CCR3: variants seen among roughly 807,000 people sequenced by gnomAD.
CCR3 encodes C-C motif chemokine receptor 3.
For missense variants in CCR3, 419 were observed against 437.5 expected (o/e 0.96, Z 0.38); for synonymous variants, 203 against 179.2 (o/e 1.13, Z -1.06).
At chr3:46,223,314 T>C (rs1438484090) in intron 2 of CCR3, among the ~76,000 whole-genome samples, 1 of 152,214 alleles carries the variant, frequency 6.6e-6, no homozygotes, top group East Asian at 1.9e-4. Context: ...CACTCCAGCC[T>C]GGGTGACAGA....
chr3:46,245,718 C>T (rs1307442857), intron 1 of CCR3, among the ~76,000 whole-genome samples: 1 of 150,424 alleles, frequency 6.6e-6, no homozygotes, highest in Non-Finnish European at 1.5e-5. Flanking sequence ...CTCCCACTCT[C>T]AAGTAGACCC....
intron 2 of CCR3, among the ~76,000 whole-genome samples, chr3:46,219,689 A>G (rs1699813152): frequency 6.6e-6 from 1 of 152,188 alleles, no homozygotes; most frequent in Admixed American, 6.5e-5. Flanking sequence ...AAAGCCAAAT[A>G]CTTACAACCA....
At chr3:46,264,351 C>A (rs1559540063) in intron 1 of CCR3, 1 of 1,125,966 alleles carries the variant, frequency 8.9e-7, no homozygotes, top group Non-Finnish European at 1.3e-6. Context: ...TGTGATTGTA[C>A]ATGTGTAACA....
intron 2 of CCR3, among the ~76,000 whole-genome samples, chr3:46,217,509 T>A (rs1699788528): frequency 6.6e-6 from 1 of 152,172 alleles, no homozygotes. Context: ...CTGCAGAATA[T>A]ACATTCTTTT....
chr3:46,212,478 C>G (rs1485877054), intron 2 of CCR3, among the ~76,000 whole-genome samples: 1 of 140,372 alleles, frequency 7.1e-6, no homozygotes, highest in East Asian at 2.4e-4. Flanking sequence ...CCCCTCTTGG[C>G]CCCCCTACCA....
intron 2 of CCR3, among the ~76,000 whole-genome samples, chr3:46,223,295 G>A (rs373657409): frequency 6.6e-6 from 1 of 152,190 alleles, no homozygotes; most frequent in Non-Finnish European, 1.5e-5. Context: ...AGCCGAGATC[G>A]TGCCACTGCA....
At position 46,264,553 on chromosome 3, in the gene CCR3, CA is replaced by C. The variant is rs1430636044; in HGVS notation, c.-11-592del. 5.7e-6 allele frequency: 4 copies of C among 702,140 alleles called. No individual in the cohort carries two copies. In the Admixed American group the frequency reaches 1.3e-4, roughly 23 times the overall value. The allele number at this position is 702,140 out of a possible 1,614,324, so 43.5% of individuals were successfully genotyped here. A position where few individuals can be genotyped will look rare whatever the true frequency, so the allele number is the denominator to read the frequency against. The stretch of plus-strand genomic sequence containing the variant: ...ATGGATAGAGACTAAAGATCTAGCC[CA>C]AATTTTATATTTACTTGTTAGAGGA... On this transcript the variant is annotated intron_variant, in intron 1 of 1. Transcript: ENST00000395940.
chr3:46,255,784 T>C (rs1292049808), intron 1 of CCR3, among the ~76,000 whole-genome samples: 1 of 152,180 alleles, frequency 6.6e-6, no homozygotes, highest in African/African-American at 2.4e-5. Context: ...TACCATTCTG[T>C]TTGGGTGACT....
chr3:46,238,520 C>G (rs547224704), upstream of CCR3, among the ~76,000 whole-genome samples: 3 of 152,156 alleles, frequency 2.0e-5, no homozygotes, highest in Non-Finnish European at 4.4e-5. Context: ...TAGGTATGTC[C>G]ACCACAAGGG....
chr3:46,210,701 C>T (rs915664510), exon 2 of CCR3: 4 of 152,320 alleles, frequency 2.6e-5, no homozygotes, highest in African/African-American at 7.2e-5. Context: ...AGCTCATGGA[C>T]CCTGGCCGTC....
intron 1 of CCR3, among the ~76,000 whole-genome samples, chr3:46,247,136 A>G (rs1700212557): frequency 6.6e-6 from 1 of 152,214 alleles, no homozygotes; most frequent in Non-Finnish European, 1.5e-5. Flanking sequence ...ATTTACTTCA[A>G]GAGTTAAGAG....
chr3:46,264,129 C>G, intron 1 of CCR3: 1 of 389,988 alleles, frequency 2.6e-6, no homozygotes, highest in South Asian at 2.9e-5. Context: ...AAAGCAGGCA[C>G]TGGCCTTAGG....
At chr3:46,240,060 C>T (rs1700064187), upstream of CCR3, among the ~76,000 whole-genome samples, 1 of 152,186 alleles carries the variant, frequency 6.6e-6, no homozygotes, top group Non-Finnish European at 1.5e-5. Context: ...CAGGCCCATG[C>T]CTTTCCTGTC....
intron 1 of CCR3, among the ~76,000 whole-genome samples, chr3:46,251,083 C>A (rs1199307503): frequency 3.3e-5 from 5 of 151,550 alleles, no homozygotes; most frequent in Non-Finnish European, 7.4e-5. Flanking sequence ...CCCAGAAAAG[C>A]AGAGAAGGGG....
In CCR3 at chr3:46,265,727, A is replaced by T. The variant is rs780329138; in HGVS notation, c.569A>T (p.Asp190Val). ...CTTTGCAGTGCTCTTTACCCAGAGGATACAGTATATAGCTGGAGGCATTTC... is the reference window on the plus strand; with the variant it reads ...CTTTGCAGTGCTCTTTACCCAGAGGTTACAGTATATAGCTGGAGGCATTTC... ...ETLCSALYPE[D>V]TVYSWRHFHT... The change falls in exon 2 of 2, where the codon GAT becomes GTT. Residue 190 changes from aspartate (D) to valine (V), a missense_variant. By Grantham distance (152) the Asp-to-Val change is radical. Coordinates refer to ENST00000395940, the MANE Select transcript of CCR3 (RefSeq NM_178329.3). 1.2e-6 allele frequency: 2 copies of T among 1,613,860 alleles called. No individual in the cohort carries two copies. The highest frequency in any genetic ancestry group is 1.7e-5 in the Admixed American group (1 of 60,022).
chr3:46,252,909 A>T (rs886950607), intron 1 of CCR3, among the ~76,000 whole-genome samples: 8 of 151,456 alleles, frequency 5.3e-5, no homozygotes, highest in Non-Finnish European at 1.0e-4. Context: ...GGGTTACATG[A>T]CTCAGGGATT....
At chr3:46,234,925 G>A (rs1700008189) in intron 2 of CCR3, among the ~76,000 whole-genome samples, 2 of 152,222 alleles carry the variant, frequency 1.3e-5, no homozygotes, top group South Asian at 4.1e-4. Flanking sequence ...CTCACCAGGT[G>A]GAGGGCTCAC....
upstream of CCR3, among the ~76,000 whole-genome samples, chr3:46,241,595 A>G (rs1421444036): frequency 6.6e-6 from 1 of 152,214 alleles, no homozygotes; most frequent in Admixed American, 6.5e-5. Context: ...TTCCACGGCA[A>G]TGCTATGACT....
chr3:46,224,734 C>CAAAA (rs901561258), intron 2 of CCR3, among the ~76,000 whole-genome samples: 29 of 47,422 alleles, frequency 6.1e-4, no homozygotes, highest in African/African-American at 2.1e-3. Flanking sequence ...AAGACTCTGT[C>CAAAA]AAAAAAAAAA....
Sources: allele counts gnomAD v4.1 joint callset (sites outside exome capture counted in the v4.1 genomes callset), GRCh38; gene constraint gnomAD v4.1.1; transcripts MANE v1.5; gene names NCBI Gene and HGNC (gene_info 2026-07-23, HGNC 2026-07-21).